Variants in PTPN22 observed in about 807,000 individuals in gnomAD.
The protein encoded by PTPN22 is tyrosine-protein phosphatase non-receptor type 22.
PTPN22 carries 85 observed loss-of-function variants against 103.3 expected under a neutral mutation model. The observed-to-expected ratio is 0.82, with a 90% CI of 0.69 to 0.99. The LOEUF is 0.99. PTPN22 is among the 50% of genes least tolerant of loss of function. The probability of loss-of-function intolerance (pLI) is 0.00; values close to 1 mark genes in which losing one functional copy is unlikely to be tolerated. For synonymous variants in PTPN22, 323 were observed against 310.2 expected, an observed-to-expected ratio of 1.04 and a Z score of -0.43; for missense variants, 865 against 936.9, an observed-to-expected ratio of 0.92 and a Z score of 1.00.
intron 18 of PTPN22, 151 bp downstream of exon 18, chr1:113,829,441 G>A (rs536164043): frequency 4.8e-5 from 22 of 461,108 alleles, no homozygotes; most frequent in African/African-American, 1.6e-4. Flanking sequence ...CTTCTTTTTC[G>A]TTTCCTTCTA....
Position 113,818,053 on chromosome 1 carries a change from G to A in PTPN22, c.2359+1524C>T, listed in dbSNP as rs367611290. On this transcript the variant is annotated intron_variant, in intron 20 of 20. Coordinates refer to ENST00000359785, the Ensembl canonical transcript of PTPN22. ...GACCCTCCCACCTCAACCTCCCAAA[G>A]TGCTGGGATTATAGGCATGAACCAC... Among the ~76,000 whole-genome samples, 4 of 151,568 alleles carry A rather than the reference G, an allele frequency of 2.6e-5. No homozygotes were observed. In the East Asian group the frequency reaches 5.8e-4, roughly 22 times the overall value.
rs145949037 is a variant in PTPN22, at chr1:113,826,050, C to T, written c.2251-878G>A. Among the ~76,000 whole-genome samples, 1,394 of 151,638 alleles carry T rather than the reference C, an allele frequency of 9.2e-3. 10 individuals carry two copies. The highest frequency in any genetic ancestry group is 0.014 in the Non-Finnish European group (948 of 67,864). On this transcript the variant is annotated intron_variant, in intron 18 of 20. Transcript: ENST00000359785. ...TTTAATTATGCTATCAGAATATTGA[C>T]GGGGAGCAGTGGAGTGCTGGCAAGG...
At chr1:113,861,061 C>G (rs141825545) in intron 1 of PTPN22, among the ~76,000 whole-genome samples, 2 of 152,134 alleles carry the variant, frequency 1.3e-5, no homozygotes, top group Non-Finnish European at 2.9e-5. Flanking sequence ...TTTCCTCCCC[C>G]TCGAGTAATC....
At chr1:113,855,071 G>A in intron 7 of PTPN22, 22 bp from the exon 8 acceptor site, 1 of 1,586,732 alleles carries the variant, frequency 6.3e-7, no homozygotes, top group Non-Finnish European at 8.6e-7. Context: ...AGCCAGATGG[G>A]AGGGGAAGAG....
At chr1:113,870,390 T>G (rs1479833445) in intron 1 of PTPN22, among the ~76,000 whole-genome samples, 1 of 152,232 alleles carries the variant, frequency 6.6e-6, no homozygotes, top group African/African-American at 2.4e-5. Flanking sequence ...TTTAAAATTC[T>G]TATATCTCTG....
At chr1:113,818,864 C>T (rs950586761) in intron 20 of PTPN22, among the ~76,000 whole-genome samples, 5 of 152,122 alleles carry the variant, frequency 3.3e-5, no homozygotes, top group Non-Finnish European at 7.4e-5. Context: ...CTGCATGTGG[C>T]GGCAACCTAA....
chr1:113,851,487 A>C (rs964519756), intron 10 of PTPN22, among the ~76,000 whole-genome samples: 3 of 152,096 alleles, frequency 2.0e-5, no homozygotes, highest in African/African-American at 7.2e-5. Flanking sequence ...GTATGCATGC[A>C]ATAAGAATCA....
chr1:113,858,710 G>T (rs1429311447), intron 3 of PTPN22, 137 bp from the exon 4 acceptor site: 1 of 696,728 alleles, frequency 1.4e-6, no homozygotes, highest in Admixed American at 3.0e-5. Flanking sequence ...CATAATCACA[G>T]CTCACTGCAG....
rs1665710061 is a variant in PTPN22, at chr1:113,862,573, C to CA, written c.88-3114dup. 2.0e-5 allele frequency among the ~76,000 whole-genome samples: 3 copies of CA among 152,140 alleles called. No homozygotes were observed. The South Asian group carries it at 6.2e-4, about 32-fold the overall frequency. ...CTAGTAAATAAAATAAAGTCACTCC[C>CA]AAAAAAGAACAGAAAGTAAAAGAAA... On this transcript the variant is annotated intron_variant, in intron 1 of 20. Transcript: ENST00000359785.
intron 11 of PTPN22, among the ~76,000 whole-genome samples, chr1:113,842,303 G>T (rs1456054737): frequency 6.6e-6 from 1 of 152,050 alleles, no homozygotes; most frequent in South Asian, 2.1e-4. Flanking sequence ...CCACAGAAAG[G>T]TGTCTAATCA....
intron 20 of PTPN22, among the ~76,000 whole-genome samples, chr1:113,816,003 T>C (rs1661117445): frequency 6.6e-6 from 1 of 152,184 alleles, no homozygotes; most frequent in Admixed American, 6.5e-5. Flanking sequence ...TTTTAAGTTA[T>C]CTTACACTTA....
Position 113,850,238 on chromosome 1 carries a change from AAGGAAGG to A in PTPN22, c.829-1619_829-1613del, listed in dbSNP as rs1386059737. Among the ~76,000 whole-genome samples, 483 of 149,658 alleles carry A rather than the reference AAGGAAGG, an allele frequency of 3.2e-3. 5 individuals are homozygous for A. Among genetic ancestry groups the A allele is most frequent in the African/African-American group, 0.011 (465 of 40,606 alleles). On this transcript the variant is annotated intron_variant, in intron 10 of 20. Transcript: ENST00000359785. ...GAAGGAAGGAAGGAAGGAAGGAAGG[AAGGAAGG>A]AAGGAAGGAAGGAAGGAAGGAAGGA...
At chr1:113,821,587 G>A (rs143778912) in intron 19 of PTPN22, among the ~76,000 whole-genome samples, 1 of 152,256 alleles carries the variant, frequency 6.6e-6, no homozygotes, top group East Asian at 1.9e-4. Flanking sequence ...CTCCCAAAGC[G>A]CTGGGAATAC....
intron 6 of PTPN22, 50 bp downstream of exon 6, chr1:113,856,498 G>A: frequency 1.9e-6 from 3 of 1,614,040 alleles, no homozygotes; most frequent in Non-Finnish European, 2.5e-6. Flanking sequence ...CTCTCTATAA[G>A]GTAGACCCTG....
Position 113,838,343 on chromosome 1 carries a change from A to G in PTPN22, c.1057T>C (p.Ser353Pro), listed in dbSNP as rs759020958. The change falls in exon 13 of 21, where the codon TCC (serine) becomes CCC (proline). Residue 353 changes from serine (S) to proline (P), a missense_variant. Ser to Pro is a moderately conservative substitution (Grantham distance 74, BLOSUM62 -1). Around this residue, in one of 3 missense-constraint regions of PTPN22, gnomAD observed 457 missense variants for 529.1 expected, o/e 0.86. Transcript: ENST00000359785. ...ATTTCAGAAGTCCTAAAGTCAAAGG[A>G]AGAAGATTCTTTGATTTCCATTTTT... 11 of 1,603,652 alleles carry G rather than the reference A, an allele frequency of 6.9e-6. No homozygotes were observed. The South Asian group carries it at 1.2e-4, about 18-fold the overall frequency.
At chr1:113,830,216 C>G (rs1036251246) in intron 16 of PTPN22, among the ~76,000 whole-genome samples, 187 bp from the exon 17 acceptor site, 1 of 152,066 alleles carries the variant, frequency 6.6e-6, no homozygotes, top group East Asian at 1.9e-4. Context: ...GCCTATGAGC[C>G]TATGATTCAT....
At chr1:113,818,198 C>T (rs1402343054) in intron 20 of PTPN22, among the ~76,000 whole-genome samples, 1 of 151,630 alleles carries the variant, frequency 6.6e-6, no homozygotes, top group Non-Finnish European at 1.5e-5. Flanking sequence ...TGGAGTCTCG[C>T]TCTGTTGCCG....
At chr1:113,851,409 C>T (rs902399660) in intron 10 of PTPN22, among the ~76,000 whole-genome samples, 1 of 152,160 alleles carries the variant, frequency 6.6e-6, no homozygotes, top group African/African-American at 2.4e-5. Context: ...CCACCTTGGC[C>T]TCCCAAAGTG....
chr1:113,823,095 A>G (rs1186374843), intron 19 of PTPN22: 8 of 152,266 alleles, frequency 5.3e-5, no homozygotes, highest in Admixed American at 5.2e-4. Flanking sequence ...ATGGTCAACC[A>G]AATTTTGTTT....
Sources: gnomAD v4.1 joint callset for allele counts (sites outside exome capture counted in the v4.1 genomes callset) on GRCh38, gnomAD v4.1.1 for gene constraint, gnomAD v4.1.1 regional missense constraint, MANE v1.5 for transcripts, NCBI Gene and HGNC (gene_info 2026-07-23, HGNC 2026-07-21) for gene names.